The following RAI1 variants were observed in gnomAD, a reference collection of about 807,000 sequenced individuals.
RAI1 encodes retinoic acid-induced protein 1.
A neutral mutation model predicts 123.8 loss-of-function variants in RAI1; 9 were observed. That is an observed-to-expected ratio of 0.07 (90% CI 0.04 to 0.13). The LOEUF (loss-of-function observed/expected upper bound fraction) is 0.13, where lower values mean the gene tolerates loss of function less well. Among genes scored for constraint, RAI1 ranks in the 10% least tolerant of loss-of-function variants. The pLI is 1.00. For missense variants in RAI1, 2,256 were observed against 2,545.8 expected (o/e 0.89, Z 2.45); for synonymous variants, 1,231 against 1,127.3 (o/e 1.09, Z -1.84).
rs538841022 is a variant in RAI1 at position 17,778,280 on chromosome 17, G to A, written c.-16-14653G>A. 6.4e-4 allele frequency: 122 copies of A among 191,912 alleles called. 2 individuals carry two copies. The South Asian group carries it at 0.011, about 18-fold the overall frequency. 11.9% of individuals were successfully genotyped at this position (191,912 alleles called of 1,614,324 possible). The stretch of plus-strand genomic sequence containing the variant: ...CCAGAATGTCCTCCCCAGCTCTGTC[G>A]CAGACATACGTGGCTCCCTGGGAGG... On this transcript the variant is annotated intron_variant, in intron 2 of 5. Transcript: ENST00000353383.
intron 1 of RAI1, among the ~76,000 whole-genome samples, chr17:17,712,422 T>C (rs1915592656): frequency 6.6e-6 from 1 of 152,144 alleles, no homozygotes; most frequent in Non-Finnish European, 1.5e-5. Context: ...GTTAGAGGCC[T>C]GTGTGGCTGC....
At chr17:17,716,575 TTTG>T (rs1259925424) in intron 1 of RAI1, among the ~76,000 whole-genome samples, 2 of 152,088 alleles carry the variant, frequency 1.3e-5, no homozygotes, top group East Asian at 1.9e-4. Context: ...TGTATGTGGT[TTTG>T]TGTCTTTTCA....
At chr17:17,747,742 C>T (rs1208866977) in intron 2 of RAI1, among the ~76,000 whole-genome samples, 1 of 152,028 alleles carries the variant, frequency 6.6e-6, no homozygotes, top group Non-Finnish European at 1.5e-5. Context: ...AATTGTCAGA[C>T]ATGCAAAAAA....
chr17:17,716,134 G>A (rs890663264), intron 1 of RAI1, among the ~76,000 whole-genome samples: 2 of 152,242 alleles, frequency 1.3e-5, no homozygotes, highest in South Asian at 2.1e-4. Context: ...ACCCAGCTGC[G>A]GCCAGGAGAA....
chr17:17,780,074 C>CTTTTTTTTTTTTTT (rs1555563206), intron 2 of RAI1, among the ~76,000 whole-genome samples: 1 of 76,916 alleles, frequency 1.3e-5, no homozygotes, highest in African/African-American at 4.9e-5. Flanking sequence ...TCCACCCAGG[C>CTTTTTTTTTTTTTT]TTTTTTTTAA....
intron 1 of RAI1, among the ~76,000 whole-genome samples, chr17:17,703,047 A>G (rs930935784): frequency 2.6e-5 from 4 of 152,172 alleles, no homozygotes; most frequent in African/African-American, 7.2e-5. Context: ...GTGCTCAATA[A>G]ATGCTTGTGG....
rs2032705041 is a variant in RAI1, at chr17:17,810,191, C to T, written c.*210C>T. 3 of 684,230 alleles carry T rather than the reference C, an allele frequency of 4.4e-6. No homozygotes were observed. The highest frequency in any genetic ancestry group is 7.1e-6 in the Non-Finnish European group (3 of 425,178). The allele number at this position is 684,230 out of a possible 1,614,324, so 42.4% of individuals were successfully genotyped here. ...TTGGGAGGAAAACCCGTTCCGGAGC[C>T]GCCTGCTCCCGGAACCGGACGGCAC... On this transcript the variant is annotated 3_prime_UTR_variant, in exon 6 of 6. Coordinates refer to ENST00000353383, the MANE Select transcript of RAI1 (RefSeq NM_030665.4). The surrounding 1 kb of genome is among the most constrained non-coding windows in gnomAD (Gnocchi z 4.6).
At chr17:17,778,753 G>A (rs755152328) in intron 2 of RAI1, 2 of 456,768 alleles carry the variant, frequency 4.4e-6, no homozygotes, top group Non-Finnish European at 8.8e-6. Flanking sequence ...AGCCCGCCAA[G>A]AGGGATTCTC....
chr17:17,797,736 A>G lies in RAI1; in HGVS notation c.4788A>G (p.Ser1596=). 3 of 1,613,730 alleles carry G rather than the reference A, an allele frequency of 1.9e-6. No homozygotes were observed. Among genetic ancestry groups the G allele is most frequent in the South Asian group, 1.1e-5 (1 of 91,082 alleles). The change falls in exon 3 of 6, where the codon TCA becomes TCG. Residue 1596 remains serine, a synonymous_variant. Coordinates refer to ENST00000353383, the MANE Select transcript of RAI1 (RefSeq NM_030665.4). ...LRSDSRTPAF[S]PFVRVEKRDA... ...CAGACAGCCGGACCCCCGCCTTCTC[A>G]CCCTTCGTGCGGGTGGAGAAGCGAG...
chr17:17,725,547 C>T (rs1325439881), intron 2 of RAI1, among the ~76,000 whole-genome samples: 2 of 152,166 alleles, frequency 1.3e-5, no homozygotes, highest in African/African-American at 2.4e-5. Context: ...GGGGGGACCA[C>T]CGGGTCAGAG....
chr17:17,686,620 C>A (rs1018158563), intron 1 of RAI1, among the ~76,000 whole-genome samples: 3 of 142,390 alleles, frequency 2.1e-5, no homozygotes, highest in Non-Finnish European at 4.7e-5. Context: ...CACGCGCGCG[C>A]CGGGGAGGGG....
intron 2 of RAI1, among the ~76,000 whole-genome samples, chr17:17,735,719 A>C (rs1296878057): frequency 6.6e-6 from 1 of 152,178 alleles, no homozygotes; most frequent in Non-Finnish European, 1.5e-5. Flanking sequence ...TCCAGGAGGT[A>C]GTGAGTGCCC....
Position 17,809,265 on chromosome 17 carries a change from T to G in RAI1, c.5660-125T>G. 4.7e-6 allele frequency: 4 copies of G among 850,046 alleles called. No individual in the cohort carries two copies. In the Admixed American group the frequency reaches 6.9e-5, roughly 15 times the overall value. The allele number at this position is 850,046 out of a possible 1,614,324, so 52.7% of individuals were successfully genotyped here. ...TTTGTGCAGAATCTGATTAACTCTT[T>G]GAAAAGAGCCCCTGCAGTCTGGAGC... On this transcript the variant is annotated intron_variant, in intron 4 of 5. Coordinates refer to ENST00000353383, the MANE Select transcript of RAI1 (RefSeq NM_030665.4). This position sits in a 1 kb window ranked among gnomAD's most constrained non-coding sequence, Gnocchi z 4.9.
intron 1 of RAI1, among the ~76,000 whole-genome samples, chr17:17,702,436 A>AG (rs1015261120): frequency 6.6e-6 from 1 of 152,200 alleles, no homozygotes; most frequent in African/African-American, 2.4e-5. Flanking sequence ...GTATATGGGA[A>AG]GGGGGGATAA....
At chr17:17,754,191 CTTTTTTTTTTTTT>C (rs1158475382) in intron 2 of RAI1, among the ~76,000 whole-genome samples, 9 of 75,726 alleles carry the variant, frequency 1.2e-4, no homozygotes, top group Admixed American at 2.8e-4. Flanking sequence ...CTAACCCAAT[CTTTTTTTTTTTTT>C]TTTTTTTTTT....
chr17:17,767,926 C>T (rs1286007962), intron 2 of RAI1, among the ~76,000 whole-genome samples: 1 of 152,202 alleles, frequency 6.6e-6, no homozygotes, highest in African/African-American at 2.4e-5. Flanking sequence ...CAGCCTTGAG[C>T]ACTTTCCCAT....
intron 1 of RAI1, among the ~76,000 whole-genome samples, chr17:17,695,603 T>C (rs1317239164): frequency 6.6e-6 from 1 of 152,028 alleles, no homozygotes; most frequent in African/African-American, 2.4e-5. Flanking sequence ...CTCCGCTCAC[T>C]GCAACCTCCG....
At chr17:17,723,102 CCA>C (rs1915940785) in intron 1 of RAI1, among the ~76,000 whole-genome samples, 2 of 152,192 alleles carry the variant, frequency 1.3e-5, no homozygotes, top group Non-Finnish European at 2.9e-5. Flanking sequence ...CCCCACACAC[CCA>C]CCAGCCCACT....
In RAI1 at chr17:17,722,510, C is replaced by T. The variant is rs190485464; in HGVS notation, c.-148-1518C>T. ...AGGCTCCACGCGCCGGCCTTGAGTG[C>T]GCTCCCCTCGGCCGCCGGGAAACCT... On this transcript the variant is annotated intron_variant, in intron 1 of 5. Coordinates refer to ENST00000353383, the MANE Select transcript of RAI1 (RefSeq NM_030665.4). Among the ~76,000 whole-genome samples, 882 of 152,290 alleles carry T rather than the reference C, an allele frequency of 5.8e-3. 8 individuals are homozygous for T. The highest frequency in any genetic ancestry group is 0.02 in the African/African-American group (827 of 41,570).
Sources: gnomAD v4.1 joint callset for allele counts (sites outside exome capture counted in the v4.1 genomes callset) on GRCh38, gnomAD v4.1.1 for gene constraint, Gnocchi (gnomAD v3.1) non-coding constraint, MANE v1.5 for transcripts, NCBI Gene and HGNC (gene_info 2026-07-23, HGNC 2026-07-21) for gene names.